Variants in YTHDC2 observed in about 807,000 individuals in gnomAD.
YTHDC2 encodes 3'-5' RNA helicase YTHDC2.
A neutral mutation model predicts 174.9 loss-of-function variants in YTHDC2; 45 were observed. The observed-to-expected ratio is 0.26, with a 90% CI of 0.20 to 0.33. The LOEUF is 0.33. Among genes scored for constraint, YTHDC2 ranks in the 10% least tolerant of loss-of-function variants. The pLI, the probability that YTHDC2 is intolerant of heterozygous loss-of-function variation, is 1.00. For missense variants in YTHDC2, 1,650 were observed against 1,723.7 expected, an observed-to-expected ratio of 0.96 and a Z score of 0.76; for synonymous variants, 657 against 574.5, an observed-to-expected ratio of 1.14 and a Z score of -2.05.
chr5:113,527,769 A>G (rs2042222), intron 4 of YTHDC2, among the ~76,000 whole-genome samples: 31,097 of 152,082 alleles, frequency 0.2, 3,661 homozygotes, highest in Admixed American at 0.34. Flanking sequence ...AGACTATACA[A>G]GATCTTTCTT....
chr5:113,551,267 A>C (rs908336529), intron 12 of YTHDC2, among the ~76,000 whole-genome samples: 1 of 152,062 alleles, frequency 6.6e-6, no homozygotes, highest in Non-Finnish European at 1.5e-5. Context: ...TTATGGTGTT[A>C]AGTAAAGCTC....
At chr5:113,547,074 C>G (rs1775930792) in intron 10 of YTHDC2, among the ~76,000 whole-genome samples, 1 of 152,158 alleles carries the variant, frequency 6.6e-6, no homozygotes, top group African/African-American at 2.4e-5. Flanking sequence ...GAATGAGTCA[C>G]TTAGTCCAGT....
Position 113,539,191 on chromosome 5 carries a change from T to C in YTHDC2, c.1210+10T>C. 1 of 1,195,376 alleles carries C rather than the reference T, an allele frequency of 8.4e-7. No individual in the cohort carries two copies. Among genetic ancestry groups the C allele is most frequent in the South Asian group, 1.6e-5 (1 of 61,382 alleles). The allele number at this position is 1,195,376 out of a possible 1,614,324, so 74.0% of individuals were successfully genotyped here. A position where few individuals can be genotyped will look rare whatever the true frequency, so the allele number is the denominator to read the frequency against. On this transcript the variant is annotated intron_variant, in intron 8 of 29. Coordinates refer to ENST00000161863, the MANE Select transcript of YTHDC2 (RefSeq NM_022828.5). Reference sequence around the variant, plus strand: ...AAGGAAAAACAGCAAGGTAAATTTTTTAATAAAAGAAATATAAAAGAAATT... The same window carrying C: ...AAGGAAAAACAGCAAGGTAAATTTTCTAATAAAAGAAATATAAAAGAAATT...
intron 12 of YTHDC2, among the ~76,000 whole-genome samples, chr5:113,552,672 C>T (rs563842568): frequency 6.6e-6 from 1 of 152,082 alleles, no homozygotes; most frequent in East Asian, 1.9e-4. Flanking sequence ...CTTATATATA[C>T]ACCTAGGAGT....
chr5:113,541,054 C>A lies in YTHDC2; in HGVS notation c.1297C>A (p.Leu433Ile), dbSNP rs139910362. The change falls in exon 9 of 30, where the codon CTA (leucine) becomes ATA (isoleucine). Residue 433 changes from leucine (L) to isoleucine (I), a missense_variant. By Grantham distance (5) the Leu-to-Ile change is conservative (BLOSUM62 2). Coordinates refer to ENST00000161863, the MANE Select transcript of YTHDC2 (RefSeq NM_022828.5). Reference protein sequence around the residue: ...KPESQRQRTVLNVTDEYDLLD... With the variant: ...KPESQRQRTVINVTDEYDLLD... ...TGAATCTCAGAGGCAGAGAACTGTTCTAAATGTGACTGATGAGTATGACTT... is the reference window on the plus strand; with the variant it reads ...TGAATCTCAGAGGCAGAGAACTGTTATAAATGTGACTGATGAGTATGACTT... The A allele has an allele frequency of 8.7e-6, 14 of 1,614,136 alleles. No homozygotes were observed. Among genetic ancestry groups the A allele is most frequent in the South Asian group, 1.1e-5 (1 of 91,090 alleles).
rs1297461592 is a variant in YTHDC2 at position 113,588,170 on chromosome 5, TC to T, written c.3826-2869del. On this transcript the variant is annotated intron_variant, in intron 26 of 29. Transcript: ENST00000161863. ...GATAATAAAGATAATTTTACTCTTT[TC>T]CTTTTCAATCTGATTGCTGTTTATT... is the stretch of plus-strand genomic sequence containing the variant. Among the ~76,000 whole-genome samples the T allele has an allele frequency of 3.3e-5, 5 of 152,260 alleles. No individual in the cohort carries two copies. The East Asian group carries it at 9.6e-4, about 29-fold the overall frequency.
chr5:113,516,687 A>G (rs1773446443), intron 2 of YTHDC2, among the ~76,000 whole-genome samples: 1 of 151,664 alleles, frequency 6.6e-6, no homozygotes, highest in Non-Finnish European at 1.5e-5. Flanking sequence ...AGAACTACTG[A>G]CATAGAGGGA....
At chr5:113,524,914 T>C (rs1774112109) in intron 2 of YTHDC2, 67 bp from the exon 3 acceptor site, 6 of 1,121,508 alleles carry the variant, frequency 5.3e-6, no homozygotes, top group South Asian at 1.8e-5. Flanking sequence ...ATTTTCTAAG[T>C]GGGCATACAT....
chr5:113,536,898 T>G (rs1775118699), intron 7 of YTHDC2, among the ~76,000 whole-genome samples: 1 of 152,356 alleles, frequency 6.6e-6, no homozygotes, highest in African/African-American at 2.4e-5. Flanking sequence ...ATTTGCAATT[T>G]GCTTTATCAT....
At chr5:113,586,718 T>C (rs990143535) in intron 26 of YTHDC2, among the ~76,000 whole-genome samples, 5 of 150,906 alleles carry the variant, frequency 3.3e-5, no homozygotes, top group African/African-American at 1.2e-4. Context: ...TCGTTGGCTT[T>C]TGCTTATACA....
At position 113,595,273 on chromosome 5, in the gene YTHDC2, A is replaced by C. The variant is rs1333831344; in HGVS notation, c.*1799A>C. ...AACTTTAAATATACTTATTAAAATGAAATTCTATTAAGTTTTTCAGATCTT... is the reference window on the plus strand; with the variant it reads ...AACTTTAAATATACTTATTAAAATGCAATTCTATTAAGTTTTTCAGATCTT... On this transcript the variant is annotated 3_prime_UTR_variant, in exon 30 of 30. Transcript: ENST00000161863. 6.6e-6 allele frequency: 1 copy of C among 152,086 alleles called. No individual in the cohort carries two copies. The highest frequency in any genetic ancestry group is 1.5e-5 in the Non-Finnish European group (1 of 67,974). The allele number at this position is 152,086 out of a possible 1,614,324, so 9.4% of individuals were successfully genotyped here.
At chr5:113,565,154 C>T (rs1380990750) in intron 20 of YTHDC2, among the ~76,000 whole-genome samples, 1 of 152,158 alleles carries the variant, frequency 6.6e-6, no homozygotes, top group Non-Finnish European at 1.5e-5. Context: ...GCAGAAAGTA[C>T]TCTTTTTCAG....
chr5:113,580,119 A>G lies in YTHDC2; in HGVS notation c.3354+424A>G, dbSNP rs571696573. Among the ~76,000 whole-genome samples, 6 of 152,218 alleles carry G rather than the reference A, an allele frequency of 3.9e-5. No homozygotes were observed. In the East Asian group the frequency reaches 5.8e-4, roughly 15 times the overall value. On this transcript the variant is annotated intron_variant, in intron 24 of 29. Transcript: ENST00000161863. ...GGGCAAGAGGGCATGAACTCCCTCC[A>G]TCAAGCTCTTTTATAAGGATACCTA...
At chr5:113,558,033 A>G (rs1354864571) in intron 17 of YTHDC2, among the ~76,000 whole-genome samples, 3 of 152,136 alleles carry the variant, frequency 2.0e-5, no homozygotes, top group Non-Finnish European at 4.4e-5. Context: ...TTGTGCTACA[A>G]CTGGATGTTT....
At chr5:113,578,596 C>A (rs1778210652) in intron 23 of YTHDC2, among the ~76,000 whole-genome samples, 1 of 151,914 alleles carries the variant, frequency 6.6e-6, no homozygotes, top group Non-Finnish European at 1.5e-5. Flanking sequence ...TTATTTAAAA[C>A]TTATATTTAT....
intron 8 of YTHDC2, among the ~76,000 whole-genome samples, chr5:113,539,688 T>C (rs1457394526): frequency 6.6e-6 from 1 of 152,206 alleles, no homozygotes; most frequent in African/African-American, 2.4e-5. Flanking sequence ...TTCAGATTTC[T>C]TTTTCTTAAT....
intron 26 of YTHDC2, among the ~76,000 whole-genome samples, chr5:113,585,210 A>C (rs1053966205): frequency 1.3e-5 from 2 of 151,904 alleles, no homozygotes; most frequent in African/African-American, 4.8e-5. Context: ...TAAAAAAAAA[A>C]CAAGATGGGA....
intron 23 of YTHDC2, among the ~76,000 whole-genome samples, chr5:113,576,563 A>G (rs956007895): frequency 2.0e-5 from 3 of 152,164 alleles, no homozygotes; most frequent in Non-Finnish European, 4.4e-5. Context: ...TTAAGAGTGA[A>G]TTTCATGGCA....
chr5:113,526,825 AAAT>A (rs375006591), intron 4 of YTHDC2, 40 bp downstream of exon 4: 22,034 of 233,734 alleles, frequency 0.094, 591 homozygotes, highest in Admixed American at 0.13. Flanking sequence ...AAAAAAAAAA[AAAT>A]ATATATATAT....
Sources: allele counts gnomAD v4.1 joint callset (sites outside exome capture counted in the v4.1 genomes callset), GRCh38; gene constraint gnomAD v4.1.1; transcripts MANE v1.5; gene names NCBI Gene and HGNC (gene_info 2026-07-23, HGNC 2026-07-21).